Variants in CCDC174 observed in about 807,000 individuals in gnomAD.
CCDC174 encodes the protein coiled-coil domain-containing protein 174.
Under a neutral mutation model 57.1 loss-of-function variants are expected in CCDC174, and 37 were observed. The observed-to-expected ratio is 0.65, with a 90% CI of 0.50 to 0.85. The LOEUF (loss-of-function observed/expected upper bound fraction) is 0.85. CCDC174 is among the 40% of genes least tolerant of loss of function. The pLI, the probability that CCDC174 is intolerant of heterozygous loss-of-function variation, is 0.00. For synonymous variants in CCDC174, 182 were observed against 190.2 expected, an observed-to-expected ratio of 0.96 and a Z score of 0.35; for missense variants, 540 against 574.3, an observed-to-expected ratio of 0.94 and a Z score of 0.61.
Position 14,671,216 on chromosome 3 carries a change from G to A in CCDC174, c.*22G>A. On this transcript the variant is annotated 3_prime_UTR_variant, in exon 11 of 11. Transcript: ENST00000383794. ...ATGATCTTTCAAAGCACGCTGACTTGGGTTTGTACTTTGACAGTGCCTTTC... is the reference window on the plus strand; with the variant it reads ...ATGATCTTTCAAAGCACGCTGACTTAGGTTTGTACTTTGACAGTGCCTTTC... The A allele has an allele frequency of 6.3e-7, 1 of 1,587,906 alleles. No individual in the cohort carries two copies. Among genetic ancestry groups the A allele is most frequent in the African/African-American group, 1.3e-5 (1 of 74,462 alleles).
At chr3:14,664,352 A>G (rs1249238704) in intron 5 of CCDC174, among the ~76,000 whole-genome samples, 1 of 152,212 alleles carries the variant, frequency 6.6e-6, no homozygotes, top group Non-Finnish European at 1.5e-5. Flanking sequence ...TTGCGTCATA[A>G]TACAAATGAG....
chr3:14,654,270 T>C (rs1292412571), intron 1 of CCDC174, among the ~76,000 whole-genome samples, 156 bp from the exon 2 acceptor site: 3 of 152,246 alleles, frequency 2.0e-5, no homozygotes, highest in South Asian at 2.1e-4. Context: ...TACTGGATTC[T>C]ACATTTAAAC....
Position 14,651,886 on chromosome 3 carries a change from A to C in CCDC174, c.42+8A>C, listed in dbSNP as rs557101691. 10 of 1,613,650 alleles carry C rather than the reference A, an allele frequency of 6.2e-6. No homozygotes were observed. In the East Asian group the frequency reaches 2.2e-4, roughly 36 times the overall value. ...GACGTCACGGCCTCCTCGGTGAGTG[A>C]GGGTATGAGGTAACTCCACGGGCTC... is the stretch of plus-strand genomic sequence containing the variant. On this transcript the variant is annotated splice_region_variant and intron_variant, in intron 1 of 10. Transcript: ENST00000383794.
chr3:14,655,438 G>T (rs750231022), intron 2 of CCDC174, 91 bp from the exon 3 acceptor site: 1 of 744,608 alleles, frequency 1.3e-6, no homozygotes, highest in Admixed American at 2.4e-5. Flanking sequence ...AAGAACTCAT[G>T]ATCTCCTTTG....
chr3:14,661,809 C>T (rs1186885654), intron 5 of CCDC174, 102 bp downstream of exon 5: 4 of 1,035,790 alleles, frequency 3.9e-6, no homozygotes, highest in Non-Finnish European at 4.2e-6. Context: ...TCTCTTTATT[C>T]TTCCTGGGTG....
chr3:14,654,917 A>C (rs765876036), intron 2 of CCDC174, among the ~76,000 whole-genome samples: 41 of 152,236 alleles, frequency 2.7e-4, no homozygotes, highest in Non-Finnish European at 5.6e-4. Context: ...AATAGTGTCT[A>C]CTATTTGTAT....
chr3:14,658,771 G>A, intron 3 of CCDC174, 100 bp from the exon 4 acceptor site: 2 of 1,288,234 alleles, frequency 1.6e-6, no homozygotes, highest in Non-Finnish European at 2.1e-6. Flanking sequence ...GACAGGCTGG[G>A]CCTCATGGGC....
At chr3:14,665,456 C>T (rs950192791) in intron 6 of CCDC174, among the ~76,000 whole-genome samples, 2 of 152,164 alleles carry the variant, frequency 1.3e-5, no homozygotes, top group African/African-American at 2.4e-5. Context: ...ACTTGATTAT[C>T]CCACAAACAA....
At position 14,666,885 on chromosome 3, in the gene CCDC174, A is replaced by G. The variant is rs1342778970; in HGVS notation, c.662A>G (p.Glu221Gly). 6 of 1,608,082 alleles carry G rather than the reference A, an allele frequency of 3.7e-6. No individual in the cohort carries two copies. In the Admixed American group the frequency reaches 8.6e-5, roughly 23 times the overall value. The change falls in exon 7 of 11, where the codon GAA becomes GGA. Residue 221 changes from glutamate (E) to glycine (G), a missense_variant. Physicochemically the swap from Glu to Gly is moderately conservative, Grantham distance 98 (BLOSUM62 -2). Coordinates refer to ENST00000383794, the MANE Select transcript of CCDC174 (RefSeq NM_016474.5). ...KELQRQQWEE[E>G]EREALKRPMG... ...CTTCAGCGCCAGCAATGGGAGGAAGAAGAAAGAGAGGCCCTGAAGAGGCCC... is the reference window on the plus strand; with the variant it reads ...CTTCAGCGCCAGCAATGGGAGGAAGGAGAAAGAGAGGCCCTGAAGAGGCCC...
At chr3:14,659,069 A>C (rs888696927) in intron 4 of CCDC174, 140 bp downstream of exon 4, 1 of 817,174 alleles carries the variant, frequency 1.2e-6, no homozygotes, top group Non-Finnish European at 1.8e-6. Flanking sequence ...GCACAGAGAC[A>C]AGAAAATCAG....
chr3:14,657,507 A>G (rs6776417), intron 3 of CCDC174, among the ~76,000 whole-genome samples: 50,250 of 152,138 alleles, frequency 0.33, 8,454 homozygotes, highest in Admixed American at 0.39. Context: ...CACTAGTGAC[A>G]TCCTCATCCA....
At chr3:14,664,185 GA>G (rs939840923) in intron 5 of CCDC174, among the ~76,000 whole-genome samples, 1 of 151,944 alleles carries the variant, frequency 6.6e-6, no homozygotes, top group South Asian at 2.1e-4. Context: ...TGCTTGAGAG[GA>G]AAAAAAATTG....
intron 10 of CCDC174, 97 bp from the exon 11 acceptor site, chr3:14,670,799 G>A: frequency 9.4e-7 from 1 of 1,058,382 alleles, no homozygotes; most frequent in Non-Finnish European, 1.3e-6. Context: ...ATTTGTGGTG[G>A]CTTTTAAGAA....
chr3:14,655,120 C>G (rs1398063581), intron 2 of CCDC174, among the ~76,000 whole-genome samples: 1 of 152,028 alleles, frequency 6.6e-6, no homozygotes, highest in Non-Finnish European at 1.5e-5. Flanking sequence ...GTTCGAGACC[C>G]GCCTGAGCAA....
intron 5 of CCDC174, 25 bp downstream of exon 5, chr3:14,661,732 A>T: frequency 1.9e-6 from 3 of 1,579,006 alleles, no homozygotes; most frequent in Non-Finnish European, 2.6e-6. Context: ...GGATTAGCTC[A>T]GAGGAACATC....
At chr3:14,662,029 A>G in intron 5 of CCDC174, 1 of 249,322 alleles carries the variant, frequency 4.0e-6, no homozygotes, top group Admixed American at 5.0e-5. Context: ...CTAACATGAA[A>G]CAGTGAGGGC....
At chr3:14,665,826 C>T (rs544304432) in intron 6 of CCDC174, among the ~76,000 whole-genome samples, 9 of 150,398 alleles carry the variant, frequency 6.0e-5, no homozygotes, top group South Asian at 2.1e-4. Context: ...GTTAGGAGTT[C>T]GAGATCATCC....
Position 14,654,461 on chromosome 3 carries a change from A to G in CCDC174, c.78A>G (p.Gln26=). 6.2e-7 allele frequency: 1 copy of G among 1,607,778 alleles called. No homozygotes were observed. The highest frequency in any genetic ancestry group is 8.5e-7 in the Non-Finnish European group (1 of 1,177,176). ...VDLKAELFRK[Q]EEFKQEKLLK... is the part of the protein sequence containing the mutation. ...TTAAGGCTGAACTCTTCCGAAAGCA[A>G]GAAGAATTCAAACAAGAAAAACTTC... The change falls in exon 2 of 11, where the codon CAA becomes CAG. Residue 26 remains glutamine, a synonymous_variant. Transcript: ENST00000383794.
chr3:14,666,696 T>A, intron 6 of CCDC174, 109 bp from the exon 7 acceptor site: 6 of 870,434 alleles, frequency 6.9e-6, no homozygotes, highest in Non-Finnish European at 8.5e-6. Flanking sequence ...TGTAGTTCCC[T>A]GTTTTCTTTA....
Sources: gnomAD v4.1 joint callset for allele counts (sites outside exome capture counted in the v4.1 genomes callset) on GRCh38, gnomAD v4.1.1 for gene constraint, MANE v1.5 for transcripts, NCBI Gene and HGNC (gene_info 2026-07-23, HGNC 2026-07-21) for gene names.